Variants in MECOM observed in about 807,000 individuals in gnomAD.
MECOM encodes the protein MDS1 and EVI1 complex locus, also known as histone-lysine N-methyltransferase MECOM.
Under a neutral mutation model 116.3 loss-of-function variants are expected in MECOM, and 13 were observed. The ratio of observed to expected loss-of-function variants is 0.11; its 90% CI spans 0.07 to 0.18. MECOM has a LOEUF of 0.18. Ranked by LOEUF, MECOM falls within the 10% of genes least tolerant of loss-of-function variation. The pLI is 1.00. For missense variants in MECOM, 1,299 were observed against 1,509.0 expected, an observed-to-expected ratio of 0.86 and a Z score of 2.31; for synonymous variants, 528 against 535.2, an observed-to-expected ratio of 0.99 and a Z score of 0.19.
At chr3:169,277,754 G>T (rs2149672062) in intron 2 of MECOM, among the ~76,000 whole-genome samples, 1 of 152,200 alleles carries the variant, frequency 6.6e-6, no homozygotes, top group East Asian at 1.9e-4. Flanking sequence ...TCTCACAATG[G>T]CTAATTCTCC....
intron 1 of MECOM, among the ~76,000 whole-genome samples, chr3:169,558,470 T>C (rs1470319093): frequency 2.6e-5 from 4 of 152,214 alleles, no homozygotes; most frequent in Non-Finnish European, 5.9e-5. Context: ...CCTATAAAAC[T>C]CTAAGTGCTC....
intron 1 of MECOM, among the ~76,000 whole-genome samples, chr3:169,651,928 A>G (rs1290866362): frequency 1.3e-5 from 2 of 152,244 alleles, no homozygotes; most frequent in African/African-American, 4.8e-5. Context: ...ATGACAAAAA[A>G]GAAAGAAAAT....
At chr3:169,448,225 C>G (rs569565634) in intron 1 of MECOM, among the ~76,000 whole-genome samples, 13 of 152,224 alleles carry the variant, frequency 8.5e-5, no homozygotes, top group African/African-American at 2.6e-4. Flanking sequence ...GAGCAACTAG[C>G]CTTGCTACCA....
intron 1 of MECOM, among the ~76,000 whole-genome samples, chr3:169,532,295 A>G (rs1758746388): frequency 6.6e-6 from 1 of 152,314 alleles, no homozygotes; most frequent in African/African-American, 2.4e-5. Context: ...TGGCCCAGGG[A>G]TCACGCTTTG....
intron 2 of MECOM, among the ~76,000 whole-genome samples, chr3:169,199,479 T>A (rs1012569488): frequency 6.6e-6 from 1 of 152,084 alleles, no homozygotes; most frequent in Non-Finnish European, 1.5e-5. Flanking sequence ...CATGATGCAA[T>A]CATGGCTCAT....
chr3:169,441,767 G>T (rs940010371), intron 1 of MECOM, among the ~76,000 whole-genome samples: 4 of 106,154 alleles, frequency 3.8e-5, no homozygotes, highest in Admixed American at 1.0e-4. Flanking sequence ...GTCTTGCTCT[G>T]TCACCCAGGC....
intron 8 of MECOM, among the ~76,000 whole-genome samples, chr3:169,114,982 T>TTA (rs1463988419): frequency 6.6e-6 from 1 of 152,136 alleles, no homozygotes; most frequent in Admixed American, 6.6e-5. Flanking sequence ...ACTCTTGCTG[T>TTA]TAGATATCCC....
intron 2 of MECOM, among the ~76,000 whole-genome samples, chr3:169,291,452 A>G (rs1399731123): frequency 6.6e-6 from 1 of 152,194 alleles, no homozygotes; most frequent in African/African-American, 2.4e-5. Flanking sequence ...TCCTCAGGAA[A>G]TTCTCAAATT....
At chr3:169,608,177 C>A (rs1768820255) in intron 1 of MECOM, among the ~76,000 whole-genome samples, 1 of 152,166 alleles carries the variant, frequency 6.6e-6, no homozygotes, top group Non-Finnish European at 1.5e-5. Context: ...CGATTGATAA[C>A]CACAGTGAGA....
intron 1 of MECOM, among the ~76,000 whole-genome samples, chr3:169,472,527 G>T (rs866695345): frequency 1.1e-5 from 1 of 88,396 alleles, no homozygotes; most frequent in Admixed American, 1.2e-4. Flanking sequence ...GGAAAGAAAA[G>T]AAAAGAAAAG....
intron 2 of MECOM, among the ~76,000 whole-genome samples, chr3:169,301,200 A>G (rs894669080): frequency 1.3e-5 from 2 of 152,236 alleles, no homozygotes; most frequent in African/African-American, 4.8e-5. Flanking sequence ...ACAGCTGCAC[A>G]AGGTGAGTGT....
rs778952425 is a variant in MECOM, at chr3:169,115,750, A to G, written c.2122T>C (p.Tyr708His). The G allele has an allele frequency of 6.2e-7, 1 of 1,614,168 alleles. No homozygotes were observed. Among genetic ancestry groups the G allele is most frequent in the Admixed American group, 1.7e-5 (1 of 60,020 alleles). Residue 708 changes from tyrosine to histidine, a missense_variant, in exon 8 of 17, where the codon TAC (tyrosine) becomes CAC (histidine). Tyr to His is a moderately conservative substitution (Grantham distance 83, BLOSUM62 2). Coordinates refer to ENST00000651503, the MANE Select transcript of MECOM (RefSeq NM_004991.4). Reference protein sequence around the residue: ...PFFPAFSQSMYPFPDRDLRSL... With the variant: ...PFFPAFSQSMHPFPDRDLRSL... ...CTCAAGTCTCTATCAGGAAATGGGT[A>G]CATTGATTGAGAGAATGCTGGAAAA... is the stretch of plus-strand genomic sequence containing the variant.
intron 2 of MECOM, among the ~76,000 whole-genome samples, chr3:169,312,356 A>C (rs1205594254): frequency 6.7e-6 from 1 of 148,816 alleles, no homozygotes; most frequent in Non-Finnish European, 1.5e-5. Flanking sequence ...AGAGGCAAGA[A>C]TGACTGCAAT....
At chr3:169,492,797 TA>T (rs1423527447) in intron 1 of MECOM, among the ~76,000 whole-genome samples, 2 of 152,038 alleles carry the variant, frequency 1.3e-5, no homozygotes, top group African/African-American at 4.8e-5. Flanking sequence ...CCCCCTCTAC[TA>T]AAAATACAAA....
At chr3:169,294,617 A>C (rs979121107) in intron 2 of MECOM, among the ~76,000 whole-genome samples, 1 of 152,018 alleles carries the variant, frequency 6.6e-6, no homozygotes, top group African/African-American at 2.4e-5. Context: ...CAAACAAACA[A>C]CCAAATACAG....
intron 1 of MECOM, among the ~76,000 whole-genome samples, chr3:169,415,347 A>C (rs1361303242): frequency 6.6e-6 from 1 of 152,224 alleles, no homozygotes; most frequent in Non-Finnish European, 1.5e-5. Context: ...GGATTTTGTC[A>C]CCACCAGGCC....
At chr3:169,609,344 T>C (rs1895030) in intron 1 of MECOM, among the ~76,000 whole-genome samples, 70,394 of 152,012 alleles carry the variant, frequency 0.46, 16,460 homozygotes, top group Non-Finnish European at 0.48. Context: ...GGACCATATG[T>C]TATGAGAAAT....
chr3:169,133,229 CATG>C (rs1316183102), intron 3 of MECOM: 2 of 152,018 alleles, frequency 1.3e-5, no homozygotes, highest in Non-Finnish European at 2.9e-5. Context: ...TGCAAGATCA[CATG>C]ATATTTCAAA....
intron 2 of MECOM, among the ~76,000 whole-genome samples, chr3:169,346,468 G>A (rs1214186070): frequency 3.3e-5 from 5 of 151,884 alleles, no homozygotes; most frequent in South Asian, 2.1e-4. Context: ...AAATGATAAC[G>A]TATTATTCTT....
Sources: allele counts gnomAD v4.1 joint callset (sites outside exome capture counted in the v4.1 genomes callset), GRCh38; gene constraint gnomAD v4.1.1; transcripts MANE v1.5; gene names NCBI Gene and HGNC (gene_info 2026-07-23, HGNC 2026-07-21).